CTSZ: variants seen among roughly 807,000 people sequenced by gnomAD.
CTSZ encodes carboxypeptidase LB.
CTSZ carries 39 observed loss-of-function variants against 32.4 expected under a neutral mutation model. The observed-to-expected ratio is 1.20, with a 90% CI of 0.93 to 1.57. The LOEUF (loss-of-function observed/expected upper bound fraction) is 1.57. CTSZ is among the 40% of genes most tolerant of loss of function. CTSZ has a pLI of 0.00. For missense variants in CTSZ, 397 were observed against 419.6 expected (o/e 0.95, Z 0.47); for synonymous variants, 168 against 170.1 (o/e 0.99, Z 0.10).
rs113505975 is a variant in CTSZ at position 58,995,778 on chromosome 20, C to T, written c.802-19G>A. The T allele has an allele frequency of 3.1e-3, 5,007 of 1,609,048 alleles. 15 individuals carry two copies. Among genetic ancestry groups the T allele is most frequent in the Non-Finnish European group, 3.7e-3 (4,362 of 1,175,840 alleles). On this transcript the variant is annotated intron_variant, in intron 5 of 5. Transcript: ENST00000217131. ...TCTCGCCCTGTGAGAAGTGGGATCG[C>T]GCGTCAGCCCATCTGCAGCCGTCTC... is the stretch of plus-strand genomic sequence containing the variant.
chr20:58,999,334 C>T (rs914774981), intron 3 of CTSZ, among the ~76,000 whole-genome samples: 7 of 152,316 alleles, frequency 4.6e-5, no homozygotes, highest in South Asian at 2.1e-4. Context: ...CCGCGGTCAC[C>T]AGTCACACAA....
rs2146364308 is a variant in CTSZ, at chr20:59,002,005, G to T, written c.308-361C>A. On this transcript the variant is annotated intron_variant, in intron 2 of 5. Coordinates refer to ENST00000217131, the MANE Select transcript of CTSZ (RefSeq NM_001336.4). The surrounding 1 kb of genome is among the most constrained non-coding windows in gnomAD (Gnocchi z 4.1). ...ATGGACAGAGACTCAGCCACCCATGGCAAGTGGGCCACACCCCAAAGCCAG... is the reference window on the plus strand; with the variant it reads ...ATGGACAGAGACTCAGCCACCCATGTCAAGTGGGCCACACCCCAAAGCCAG... 6.6e-6 allele frequency among the ~76,000 whole-genome samples: 1 copy of T among 152,382 alleles called. No individual in the cohort carries two copies. The highest frequency in any genetic ancestry group is 2.1e-4 in the South Asian group (1 of 4,832).
chr20:58,996,078 G>A (rs1471446602), intron 5 of CTSZ, among the ~76,000 whole-genome samples: 2 of 151,838 alleles, frequency 1.3e-5, no homozygotes, highest in East Asian at 3.9e-4. Flanking sequence ...AAAAAATGAC[G>A]ACATTTCATC....
intron 5 of CTSZ, among the ~76,000 whole-genome samples, chr20:58,996,252 A>C (rs1056369615): frequency 2.6e-5 from 4 of 152,326 alleles, no homozygotes; most frequent in Non-Finnish European, 5.9e-5. Flanking sequence ...GGGAGCCCAA[A>C]AACCATGATG....
At chr20:59,001,399 A>T in intron 3 of CTSZ, 66 bp downstream of exon 3, 1 of 1,513,568 alleles carries the variant, frequency 6.6e-7, no homozygotes, top group Non-Finnish European at 9.0e-7. Flanking sequence ...GTCCTCAGCC[A>T]CGAAGGCCTG....
chr20:59,001,432 G>C (rs776243601), intron 3 of CTSZ, 33 bp downstream of exon 3: 32 of 1,584,862 alleles, frequency 2.0e-5, no homozygotes, highest in Middle Eastern at 3.4e-4. Flanking sequence ...TGGAGGGCAG[G>C]AGGGTGGAGT....
Position 59,007,144 on chromosome 20 carries a change from C to T in CTSZ, c.-16G>A. 1 of 1,340,792 alleles carries T rather than the reference C, an allele frequency of 7.5e-7. No individual in the cohort carries two copies. Among genetic ancestry groups the T allele is most frequent in the Non-Finnish European group, 9.5e-7 (1 of 1,054,268 alleles). 83.1% of individuals were successfully genotyped at this position (1,340,792 alleles called of 1,614,324 possible). On this transcript the variant is annotated 5_prime_UTR_variant, in exon 1 of 6. Coordinates refer to ENST00000217131, the MANE Select transcript of CTSZ (RefSeq NM_001336.4). ...GCCTCGCCATGGCCCCGCGCCGGCTCCTGGGTCCCGCTCCGGATCCCGCTC... is the reference window on the plus strand; with the variant it reads ...GCCTCGCCATGGCCCCGCGCCGGCTTCTGGGTCCCGCTCCGGATCCCGCTC...
intron 3 of CTSZ, among the ~76,000 whole-genome samples, chr20:58,999,761 G>C (rs6070690): frequency 0.16 from 24,278 of 152,178 alleles, 1,999 homozygotes; most frequent in Middle Eastern, 0.19. Context: ...GGAGATCTGA[G>C]TCAGGTGGCT....
Position 59,002,968 on chromosome 20 carries a change from G to A in CTSZ, c.308-1324C>T, listed in dbSNP as rs73301222. 0.012 allele frequency among the ~76,000 whole-genome samples: 1,817 copies of A among 152,106 alleles called. 40 individuals are homozygous for A. The highest frequency in any genetic ancestry group is 0.042 in the African/African-American group (1,737 of 41,474). On this transcript the variant is annotated intron_variant, in intron 2 of 5. Coordinates refer to ENST00000217131, the MANE Select transcript of CTSZ (RefSeq NM_001336.4). This position sits in a 1 kb window ranked among gnomAD's most constrained non-coding sequence, Gnocchi z 4.1. ...CCCGGCCCCTCCCACTCACTATCAC[G>A]GTTTTCTGCTTCACTCAATGGTTTG...
intron 2 of CTSZ, among the ~76,000 whole-genome samples, chr20:59,005,426 TG>T (rs1464268498): frequency 1.3e-5 from 2 of 152,200 alleles, no homozygotes; most frequent in Non-Finnish European, 2.9e-5. Context: ...ATCTGCAAAC[TG>T]GAAGCAATCA....
chr20:59,006,917 C>A, intron 1 of CTSZ, 69 bp downstream of exon 1: 1 of 1,283,236 alleles, frequency 7.8e-7, no homozygotes, highest in Non-Finnish European at 1.0e-6. Context: ...CCCCAGGAGG[C>A]AGAGCGCGCG....
chr20:59,003,405 C>T (rs962345794), intron 2 of CTSZ, among the ~76,000 whole-genome samples: 2 of 152,244 alleles, frequency 1.3e-5, no homozygotes, highest in Non-Finnish European at 2.9e-5. Context: ...TGGGAACGGG[C>T]TTATTACTCA....
At chr20:58,999,944 C>T (rs1646828010) in intron 3 of CTSZ, among the ~76,000 whole-genome samples, 1 of 152,260 alleles carries the variant, frequency 6.6e-6, no homozygotes, top group Admixed American at 6.5e-5. Flanking sequence ...TGGCGGGCGC[C>T]TGTAGTCCCA....
In CTSZ at chr20:59,007,206, C is replaced by A. The variant is rs2091912978; in HGVS notation, c.-78G>T. 1.5e-5 allele frequency: 19 copies of A among 1,225,858 alleles called. No individual in the cohort carries two copies. Among genetic ancestry groups the A allele is most frequent in the Non-Finnish European group, 1.8e-5 (18 of 990,672 alleles). 75.9% of individuals were successfully genotyped at this position (1,225,858 alleles called of 1,614,324 possible). ...TCCCGCGCCGGCTCCCGCTCTGGATCCCGCCCCGGCCTCGGCCTCGGCCCA... is the reference window on the plus strand; with the variant it reads ...TCCCGCGCCGGCTCCCGCTCTGGATACCGCCCCGGCCTCGGCCTCGGCCCA... On this transcript the variant is annotated 5_prime_UTR_variant, in exon 1 of 6. Transcript: ENST00000217131.
In CTSZ at chr20:59,007,234, A is replaced by AC. The variant is rs1371991821; in HGVS notation, c.-107dup. 3.0e-5 allele frequency: 12 copies of AC among 396,294 alleles called. No homozygotes were observed. The highest frequency in any genetic ancestry group is 4.5e-5 in the Non-Finnish European group (12 of 264,988). 24.5% of individuals were successfully genotyped at this position (396,294 alleles called of 1,614,324 possible). A position where few individuals can be genotyped will look rare whatever the true frequency, so the allele number is the denominator to read the frequency against. ...GCCCCGGCCTCGGCCTCGGCCCAGC[A>AC]CCCGGCCGACCCCGCACTTTGGGCC... On this transcript the variant is annotated 5_prime_UTR_variant, in exon 1 of 6. Transcript: ENST00000217131.
At chr20:59,005,405 C>G (rs894816588) in intron 2 of CTSZ, among the ~76,000 whole-genome samples, 3 of 152,222 alleles carry the variant, frequency 2.0e-5, no homozygotes, top group African/African-American at 7.2e-5. Flanking sequence ...CTGCAAAAAG[C>G]CTGCTTCCTC....
chr20:58,998,223 C>T (rs555895313), intron 3 of CTSZ, among the ~76,000 whole-genome samples: 7 of 151,828 alleles, frequency 4.6e-5, no homozygotes, highest in East Asian at 1.9e-4. Context: ...CTGGTTATTT[C>T]GACTTAAGAG....
At chr20:59,001,794 G>T in intron 2 of CTSZ, 150 bp from the exon 3 acceptor site, 1 of 757,178 alleles carries the variant, frequency 1.3e-6, no homozygotes, top group Non-Finnish European at 2.1e-6. Flanking sequence ...TCTCCCTGCT[G>T]ACCTCTTCAT....
chr20:59,003,553 C>A (rs2091898042), intron 2 of CTSZ, among the ~76,000 whole-genome samples: 1 of 152,206 alleles, frequency 6.6e-6, no homozygotes, highest in Non-Finnish European at 1.5e-5. Context: ...CGGGACATGA[C>A]CCCACAGTTA....
Sources: allele counts gnomAD v4.1 joint callset (sites outside exome capture counted in the v4.1 genomes callset), GRCh38; gene constraint gnomAD v4.1.1; non-coding constraint Gnocchi (gnomAD v3.1); transcripts MANE v1.5; gene names NCBI Gene and HGNC (gene_info 2026-07-23, HGNC 2026-07-21).